The following CCT5 variants were observed in gnomAD, a reference collection of about 807,000 sequenced individuals.
CCT5 encodes T-complex protein 1 subunit epsilon.
CCT5 carries 6 observed loss-of-function variants against 55.0 expected under a neutral mutation model. The ratio of observed to expected loss-of-function variants is 0.11; its 90% confidence interval spans 0.06 to 0.22. The LOEUF (loss-of-function observed/expected upper bound fraction) is 0.22. CCT5 is among the 10% of genes least tolerant of loss of function. The probability of loss-of-function intolerance (pLI) is 1.00; values close to 1 mark genes in which losing one functional copy is unlikely to be tolerated. For missense variants in CCT5, 560 were observed against 694.6 expected (o/e 0.81, Z 2.18); for synonymous variants, 231 against 243.7 (o/e 0.95, Z 0.49).
rs769470413 is a variant in CCT5 at position 10,261,543 on chromosome 5, C to G, written c.994-17C>G. On this transcript the variant is annotated splice_polypyrimidine_tract_variant and intron_variant, in intron 7 of 10. Coordinates refer to ENST00000280326, the MANE Select transcript of CCT5 (RefSeq NM_012073.5). ...ACCAGTACTGTCTTCATCCTTCTCC[C>G]TGACCACCCCAATTAGCTGATTGCC... 6.2e-6 allele frequency: 10 copies of G among 1,613,246 alleles called. No individual in the cohort carries two copies. Among genetic ancestry groups the G allele is most frequent in the Admixed American group, 5.0e-5 (3 of 59,998 alleles).
chr5:10,255,336 A>G (rs1745617417), intron 3 of CCT5, among the ~76,000 whole-genome samples: 1 of 62,392 alleles, frequency 1.6e-5, no homozygotes, highest in Non-Finnish European at 5.5e-5. Flanking sequence ...TAATAAGTAA[A>G]CTGGTATTCG....
At chr5:10,262,411 G>C in intron 8 of CCT5, 70 bp from the exon 9 acceptor site, 1 of 1,545,544 alleles carries the variant, frequency 6.5e-7, no homozygotes, top group Non-Finnish European at 8.9e-7. Flanking sequence ...CTTTAAAAAG[G>C]TGCCAGATAC....
In CCT5 at chr5:10,264,798, CTATG is replaced by C. The variant is rs1746141288; in HGVS notation, c.*18_*21del. 6.2e-7 allele frequency: 1 copy of C among 1,611,376 alleles called. No homozygotes were observed. Among genetic ancestry groups the C allele is most frequent in the South Asian group, 1.1e-5 (1 of 91,020 alleles). On this transcript the variant is annotated 3_prime_UTR_variant, in exon 11 of 11. Coordinates refer to ENST00000280326, the MANE Select transcript of CCT5 (RefSeq NM_012073.5). ...CTGAAGAATGAAGACATTGAGAAAA[CTATG>C]TAGCAAGATCCACTTCTGTGATTAA...
rs758504808 is a variant in CCT5, at chr5:10,258,255, T to G, written c.675T>G (p.Ile225Met). ...VGGRLEDTKL[I>M]KGVIVDKDFS... ...GCAGGCTGGAGGACACTAAACTGAT[T>G]AAGGGCGTGATTGTGGACAAGGATT... Residue 225 changes from isoleucine to methionine, a missense_variant, in exon 5 of 11, where the codon ATT (isoleucine) becomes ATG (methionine). Ile to Met is a conservative substitution (Grantham distance 10). Around this residue, in one of 4 missense-constraint regions of CCT5, gnomAD observed 256 missense variants for 372.4 expected, o/e 0.69. Coordinates refer to ENST00000280326, the MANE Select transcript of CCT5 (RefSeq NM_012073.5). 4.3e-6 allele frequency: 7 copies of G among 1,614,084 alleles called. No individual in the cohort carries two copies. The Admixed American group carries it at 5.0e-5, about 12-fold the overall frequency.
rs191751648 is a variant in CCT5 at position 10,266,210 on chromosome 5, G to C, written c.*1427G>C. 1.3e-5 allele frequency: 2 copies of C among 152,258 alleles called. No individual in the cohort carries two copies. The highest frequency in any genetic ancestry group is 1.3e-4 in the Admixed American group (2 of 15,294). The allele number at this position is 152,258 out of a possible 1,614,324, so 9.4% of individuals were successfully genotyped here. On this transcript the variant is annotated 3_prime_UTR_variant, in exon 11 of 11. Coordinates refer to ENST00000280326, the MANE Select transcript of CCT5 (RefSeq NM_012073.5). Reference sequence around the variant, plus strand: ...CCTTCTTTGGACCACAGTCTTATCCGAGGGGTCTGTGGTTGTATCAGAAGA... The same window carrying C: ...CCTTCTTTGGACCACAGTCTTATCCCAGGGGTCTGTGGTTGTATCAGAAGA...
intron 9 of CCT5, 137 bp from the exon 10 acceptor site, chr5:10,262,996 AC>A (rs1484912034): frequency 4.0e-6 from 3 of 752,986 alleles, no homozygotes; most frequent in African/African-American, 3.4e-5. Context: ...TCTGATAGAT[AC>A]AAAAATAAAG....
chr5:10,266,051 G>A lies in CCT5; in HGVS notation c.*1268G>A, dbSNP rs1360209422. On this transcript the variant is annotated 3_prime_UTR_variant, in exon 11 of 11. Coordinates refer to ENST00000280326, the MANE Select transcript of CCT5 (RefSeq NM_012073.5). ...GGATGTTTTGCTAAATAACTCCTGT[G>A]GATTTAGGAATGTGTGCTAATAGCA... 2 of 152,076 alleles carry A rather than the reference G, an allele frequency of 1.3e-5. No individual in the cohort carries two copies. Among genetic ancestry groups the A allele is most frequent in the Admixed American group, 6.6e-5 (1 of 15,260 alleles). 9.4% of individuals were successfully genotyped at this position (152,076 alleles called of 1,614,324 possible).
At chr5:10,261,101 T>TGTTC (rs1486422242) in intron 7 of CCT5, 190 bp downstream of exon 7, 1 of 692,992 alleles carries the variant, frequency 1.4e-6, no homozygotes, top group African/African-American at 1.8e-5. Flanking sequence ...GTGTTTCTGG[T>TGTTC]GTTCCCTGGC....
chr5:10,250,846 G>A (rs1247650742), intron 1 of CCT5: 8 of 1,058,810 alleles, frequency 7.6e-6, no homozygotes, highest in African/African-American at 1.7e-5. Flanking sequence ...TTAACCTTTC[G>A]CTGGTCCACC....
At chr5:10,256,181 C>T (rs1211021931) in intron 4 of CCT5, 28 bp downstream of exon 4, 1 of 1,593,202 alleles carries the variant, frequency 6.3e-7, no homozygotes, top group Non-Finnish European at 8.6e-7. Context: ...ATATGATTAC[C>T]CATTTGTAGA....
At chr5:10,262,650 T>G in intron 9 of CCT5, 32 bp downstream of exon 9, 1 of 1,612,792 alleles carries the variant, frequency 6.2e-7, no homozygotes, top group Middle Eastern at 1.7e-4. Context: ...AGTGAAAGAT[T>G]CAGGCCTCGC....
chr5:10,252,729 G>A (rs1323068172), intron 1 of CCT5, among the ~76,000 whole-genome samples: 5 of 151,890 alleles, frequency 3.3e-5, no homozygotes, highest in Non-Finnish European at 7.4e-5. Context: ...GCATAATTCT[G>A]TTTTATCCAT....
At chr5:10,249,926 AAAAAAAAACC>A (rs1745268850), upstream of CCT5, 460 of 951,460 alleles carry the variant, frequency 4.8e-4, 3 homozygotes, top group East Asian at 1.8e-3. Context: ...AAAAAAAAAA[AAAAAAAAACC>A]GGAAATGGGT....
rs927002228 is a variant in CCT5 at position 10,263,126 on chromosome 5, C to A, written c.1318-8C>A. 1.9e-5 allele frequency: 31 copies of A among 1,613,854 alleles called. No homozygotes were observed. Among genetic ancestry groups the A allele is most frequent in the Non-Finnish European group, 2.4e-5 (28 of 1,179,846 alleles). On this transcript the variant is annotated splice_polypyrimidine_tract_variant and splice_region_variant and intron_variant, in intron 9 of 10. Transcript: ENST00000280326. ...AAGTGCACTCACCATACTTCTGTAC[C>A]TTTCCAGTGCCCCACCTTAGAACAG...
At chr5:10,253,890 ATC>A (rs1328152514) in intron 1 of CCT5, among the ~76,000 whole-genome samples, 1 of 152,242 alleles carries the variant, frequency 6.6e-6, no homozygotes, top group African/African-American at 2.4e-5. Flanking sequence ...TGGTAAAAGA[ATC>A]TGTCTCATTA....
In CCT5 at chr5:10,256,140, C is replaced by G; in HGVS notation, c.517C>G (p.Leu173Val). 1.2e-6 allele frequency: 2 copies of G among 1,613,248 alleles called. No homozygotes were observed. Among genetic ancestry groups the G allele is most frequent in the Non-Finnish European group, 1.7e-6 (2 of 1,179,660 alleles). ...CCTGATTCAGACAGCAAAAACCACGCTGGGCTCCAAAGTGTACGTTTCAGT... is the reference window on the plus strand; with the variant it reads ...CCTGATTCAGACAGCAAAAACCACGGTGGGCTCCAAAGTGTACGTTTCAGT... ...EPLIQTAKTT[L>V]GSKVVNSCHR... The change falls in exon 4 of 11, where the codon CTG becomes GTG. Residue 173 changes from leucine (L) to valine (V), a missense_variant. Physicochemically the swap from Leu to Val is conservative, Grantham distance 32. Coordinates refer to ENST00000280326, the MANE Select transcript of CCT5 (RefSeq NM_012073.5).
intron 1 of CCT5, 92 bp downstream of exon 1, chr5:10,250,537 A>C: frequency 5.8e-6 from 9 of 1,561,940 alleles, no homozygotes; most frequent in South Asian, 1.2e-5. Context: ...CGGCTCTGCC[A>C]TGTGCTCCCC....
chr5:10,249,934 A>AC, upstream of CCT5: 1 of 496,320 alleles, frequency 2.0e-6, no homozygotes. Flanking sequence ...AAAAAAAAAA[A>AC]CCGGAAATGG....
At chr5:10,262,168 G>A in intron 8 of CCT5, 1 of 411,520 alleles carries the variant, frequency 2.4e-6, no homozygotes, top group Non-Finnish European at 4.6e-6. Flanking sequence ...GGGAACCCAA[G>A]TGAATAACCA....
Sources: allele counts gnomAD v4.1 joint callset (sites outside exome capture counted in the v4.1 genomes callset), GRCh38; gene constraint gnomAD v4.1.1; regional missense constraint gnomAD v4.1.1; transcripts MANE v1.5; gene names NCBI Gene and HGNC (gene_info 2026-07-23, HGNC 2026-07-21).